The following ITPRID1 variants were observed in gnomAD, a reference collection of about 807,000 sequenced individuals.
ITPRID1 encodes the protein ITPR interacting domain containing 1, also known as protein ITPRID1.
ITPRID1 carries 96 observed loss-of-function variants against 95.4 expected under a neutral mutation model. The ratio of observed to expected loss-of-function variants is 1.01; its 90% confidence interval spans 0.85 to 1.19. The LOEUF is 1.19. Among genes scored for constraint, ITPRID1 ranks in the 50% most tolerant of loss-of-function variants. The probability of loss-of-function intolerance (pLI) is 0.00; values close to 1 mark genes in which losing one functional copy is unlikely to be tolerated. For missense variants in ITPRID1, 1,339 were observed against 1,252.9 expected (o/e 1.07, Z -1.04); for synonymous variants, 510 against 453.6 (o/e 1.12, Z -1.58).
chr7:31,633,426 C>T (rs1006187362), intron 10 of ITPRID1, among the ~76,000 whole-genome samples: 11 of 152,174 alleles, frequency 7.2e-5, no homozygotes, highest in Admixed American at 7.2e-4. Flanking sequence ...AAATGACCAT[C>T]TATAAGGAGT....
At chr7:31,614,639 TTAAC>T (rs1787036946) in intron 10 of ITPRID1, among the ~76,000 whole-genome samples, 1 of 152,194 alleles carries the variant, frequency 6.6e-6, no homozygotes, top group African/African-American at 2.4e-5. Flanking sequence ...AATTAATTGA[TTAAC>T]TGAGATAATT....
intron 1 of ITPRID1, among the ~76,000 whole-genome samples, chr7:31,542,794 A>G (rs779780883): frequency 3.9e-5 from 6 of 152,148 alleles, no homozygotes; most frequent in Non-Finnish European, 8.8e-5. Flanking sequence ...GAATTGCTTG[A>G]TTAGTATATG....
At chr7:31,628,157 A>G (rs915244934) in intron 10 of ITPRID1, among the ~76,000 whole-genome samples, 5 of 152,216 alleles carry the variant, frequency 3.3e-5, no homozygotes, top group African/African-American at 9.6e-5. Context: ...GCCATTTTCA[A>G]AAAGTGCCCT....
chr7:31,619,583 G>C (rs188033638), intron 10 of ITPRID1, among the ~76,000 whole-genome samples: 9 of 152,238 alleles, frequency 5.9e-5, no homozygotes, highest in African/African-American at 2.2e-4. Flanking sequence ...GGTCAAGTAA[G>C]TTTGTAAAGA....
At chr7:31,529,507 A>T (rs1344142692) in intron 1 of ITPRID1, 2 of 440,994 alleles carry the variant, frequency 4.5e-6, no homozygotes, top group Non-Finnish European at 8.1e-6. Context: ...GTTACTAGTA[A>T]CTCCTGCCAT....
intron 5 of ITPRID1, among the ~76,000 whole-genome samples, chr7:31,569,213 C>G (rs1214978212): frequency 6.6e-6 from 1 of 152,072 alleles, no homozygotes; most frequent in Non-Finnish European, 1.5e-5. Context: ...AATTTTAAGG[C>G]TGTTGGAAGG....
chr7:31,530,631 T>G (rs1198606752), intron 1 of ITPRID1, among the ~76,000 whole-genome samples: 1 of 152,206 alleles, frequency 6.6e-6, no homozygotes, highest in Non-Finnish European at 1.5e-5. Flanking sequence ...TTGAAGATTA[T>G]GAGAAAAATC....
At chr7:31,569,252 C>T (rs1400119723) in intron 5 of ITPRID1, among the ~76,000 whole-genome samples, 5 of 152,140 alleles carry the variant, frequency 3.3e-5, no homozygotes, top group Admixed American at 2.6e-4. Flanking sequence ...AGGGAATATG[C>T]TTCATACATG....
chr7:31,623,630 A>G (rs1788144395), intron 10 of ITPRID1, among the ~76,000 whole-genome samples: 1 of 106,110 alleles, frequency 9.4e-6, no homozygotes, highest in South Asian at 3.0e-4. Flanking sequence ...TATCTATGAC[A>G]AACCCACAGC....
intron 5 of ITPRID1, among the ~76,000 whole-genome samples, chr7:31,569,215 G>C (rs945206139): frequency 2.0e-5 from 3 of 152,188 alleles, no homozygotes; most frequent in African/African-American, 7.2e-5. Context: ...TTTTAAGGCT[G>C]TTGGAAGGAT....
rs183082827 is a variant in ITPRID1 at position 31,615,572 on chromosome 7, C to G, written c.1229-26604C>G. Among the ~76,000 whole-genome samples the G allele has an allele frequency of 5.3e-5, 8 of 152,222 alleles. No individual in the cohort carries two copies. In the East Asian group the frequency reaches 9.7e-4, roughly 18 times the overall value. On this transcript the variant is annotated intron_variant, in intron 10 of 14. Coordinates refer to ENST00000615280, the MANE Select transcript of ITPRID1 (RefSeq NM_001257967.3). ...ATCAATGTATAGTCCTTGGTACTCT[C>G]TTAAGCAAAATAAGACATTAAGTAA... is the stretch of plus-strand genomic sequence containing the variant.
chr7:31,638,791 T>G lies in ITPRID1; in HGVS notation c.1229-3385T>G, dbSNP rs184767315. 4.8e-3 allele frequency among the ~76,000 whole-genome samples: 727 copies of G among 152,310 alleles called. 6 individuals carry two copies. The highest frequency in any genetic ancestry group is 0.017 in the African/African-American group (706 of 41,564). The stretch of plus-strand genomic sequence containing the variant: ...TCTTTTGTTTTTCGTTTGTTTGTTT[T>G]TTTGAGATGGAGACTTGCTCTGTCG... On this transcript the variant is annotated intron_variant, in intron 10 of 14. Coordinates refer to ENST00000615280, the MANE Select transcript of ITPRID1 (RefSeq NM_001257967.3).
intron 1 of ITPRID1, among the ~76,000 whole-genome samples, chr7:31,522,005 T>C (rs1469357208): frequency 6.6e-6 from 1 of 151,506 alleles, no homozygotes; most frequent in Non-Finnish European, 1.5e-5. Context: ...CCAAGCTCTT[T>C]ATGGGAAAAA....
At chr7:31,633,788 GAATT>G in intron 10 of ITPRID1, among the ~76,000 whole-genome samples, 1 of 152,316 alleles carries the variant, frequency 6.6e-6, no homozygotes, top group South Asian at 2.1e-4. Flanking sequence ...AGTTAAAGTA[GAATT>G]GATTGATGAA....
chr7:31,561,737 C>A (rs1190839400), intron 5 of ITPRID1, among the ~76,000 whole-genome samples: 4 of 152,170 alleles, frequency 2.6e-5, no homozygotes, highest in African/African-American at 4.8e-5. Context: ...GGATGACTTA[C>A]AGAAAAGAGC....
intron 5 of ITPRID1, among the ~76,000 whole-genome samples, chr7:31,564,151 G>C (rs1252725328): frequency 1.3e-5 from 2 of 152,160 alleles, no homozygotes; most frequent in Non-Finnish European, 2.9e-5. Flanking sequence ...GTGCTAATTA[G>C]TGCCTTCTGC....
chr7:31,648,219 G>A (rs1231426062), intron 12 of ITPRID1, among the ~76,000 whole-genome samples: 1 of 152,090 alleles, frequency 6.6e-6, no homozygotes, highest in African/African-American at 2.4e-5. Context: ...ATTGTCTTTT[G>A]GTGATGGTGC....
At chr7:31,523,675 T>G (rs913336137) in intron 1 of ITPRID1, among the ~76,000 whole-genome samples, 8 of 152,220 alleles carry the variant, frequency 5.3e-5, no homozygotes, top group African/African-American at 1.9e-4. Context: ...TCCCCACCTC[T>G]TGCTTTTGCT....
chr7:31,556,674 G>A (rs1176970892), intron 5 of ITPRID1, among the ~76,000 whole-genome samples: 1 of 152,058 alleles, frequency 6.6e-6, no homozygotes, highest in African/African-American at 2.4e-5. Flanking sequence ...GAAAAACTGT[G>A]GAGATGAAAA....
Sources: allele counts gnomAD v4.1 joint callset (sites outside exome capture counted in the v4.1 genomes callset), GRCh38; gene constraint gnomAD v4.1.1; transcripts MANE v1.5; gene names NCBI Gene and HGNC (gene_info 2026-07-23, HGNC 2026-07-21).